Variants in SLC6A19 observed in about 807,000 individuals in gnomAD.
SLC6A19 encodes solute carrier family 6 member 19, also known as sodium-dependent neutral amino acid transporter B(0)AT1.
Under a neutral mutation model 68.3 loss-of-function variants are expected in SLC6A19, and 67 were observed. The ratio of observed to expected loss-of-function variants is 0.98; its 90% CI spans 0.81 to 1.20. The LOEUF is 1.20. SLC6A19 is among the 50% of genes most tolerant of loss of function. SLC6A19 has a pLI of 0.00. For missense variants in SLC6A19, 813 were observed against 851.6 expected (o/e 0.95, Z 0.56); for synonymous variants, 392 against 374.9 (o/e 1.05, Z -0.53).
chr5:1,221,131 G>A lies in SLC6A19; in HGVS notation c.1539-20G>A, dbSNP rs113981520. The A allele has an allele frequency of 1.2e-6, 2 of 1,611,558 alleles. No homozygotes were observed. The highest frequency in any genetic ancestry group is 2.2e-5 in the East Asian group (1 of 44,802). ...AGCCCAGCTGGTAGCAGCAGTGACA[G>A]CTGTCTCTGGCCTTGGCAGGTTCAA... is the stretch of plus-strand genomic sequence containing the variant. On this transcript the variant is annotated intron_variant, in intron 10 of 11. Coordinates refer to ENST00000304460, the MANE Select transcript of SLC6A19 (RefSeq NM_001003841.3).
At chr5:1,218,374 G>A (rs75754222) in intron 8 of SLC6A19, among the ~76,000 whole-genome samples, 6,272 of 152,236 alleles carry the variant, frequency 0.041, 187 homozygotes, top group Non-Finnish European at 0.057. Context: ...ACCACTGATC[G>A]CCAGGACCGT....
chr5:1,204,111 G>A (rs893546486), intron 1 of SLC6A19, among the ~76,000 whole-genome samples: 3 of 152,192 alleles, frequency 2.0e-5, no homozygotes, highest in Non-Finnish European at 2.9e-5. Context: ...TAATTGATGC[G>A]GGTCATCGAG....
intron 11 of SLC6A19, 51 bp downstream of exon 11, chr5:1,221,364 AAGG>A (rs763831552): frequency 6.2e-7 from 1 of 1,602,106 alleles, no homozygotes; most frequent in Non-Finnish European, 8.5e-7. Context: ...GGGAAGGGGA[AAGG>A]AGGACACTCA....
In SLC6A19 at chr5:1,214,274, C is replaced by G. The variant is rs116370157; in HGVS notation, c.887+209C>G. Among the ~76,000 whole-genome samples, 723 of 152,210 alleles carry G rather than the reference C, an allele frequency of 4.8e-3. 7 individuals are homozygous for G. Among genetic ancestry groups the G allele is most frequent in the African/African-American group, 0.017 (694 of 41,532 alleles). ...GGGGCAGGTCTCCCTGTGAGGAGGG[C>G]CAGGAGCCGGGCGCCTGCAGCTTTC... On this transcript the variant is annotated intron_variant, in intron 6 of 11. Coordinates refer to ENST00000304460, the MANE Select transcript of SLC6A19 (RefSeq NM_001003841.3). The surrounding 1 kb of genome is among the most constrained non-coding windows in gnomAD (Gnocchi z 7.4).
At position 1,201,636 on chromosome 5, in the gene SLC6A19, C is replaced by G; in HGVS notation, c.-15C>G. The G allele has an allele frequency of 1.2e-6, 2 of 1,601,090 alleles. No individual in the cohort carries two copies. The highest frequency in any genetic ancestry group is 1.7e-6 in the Non-Finnish European group (2 of 1,178,258). Reference sequence around the variant, plus strand: ...CTGCCCTGCCTGCTGTGTGCGGAGCCGTCCAGCGACCACCATGGTGAGGCT... The same window carrying G: ...CTGCCCTGCCTGCTGTGTGCGGAGCGGTCCAGCGACCACCATGGTGAGGCT... On this transcript the variant is annotated 5_prime_UTR_variant, in exon 1 of 12. Coordinates refer to ENST00000304460, the MANE Select transcript of SLC6A19 (RefSeq NM_001003841.3).
chr5:1,222,037 T>C lies in SLC6A19; in HGVS notation c.*133T>C, dbSNP rs1403393469. 1.7e-5 allele frequency: 16 copies of C among 959,544 alleles called. No individual in the cohort carries two copies. In the East Asian group the frequency reaches 3.4e-4, roughly 21 times the overall value. 59.4% of individuals were successfully genotyped at this position (959,544 alleles called of 1,614,324 possible). A position where few individuals can be genotyped will look rare whatever the true frequency, so the allele number is the denominator to read the frequency against. ...TATGCTCGTGTGTGAGTGTGTGTATTGTACACGCATGTGCCATGTGTGCAG... is the reference window on the plus strand; with the variant it reads ...TATGCTCGTGTGTGAGTGTGTGTATCGTACACGCATGTGCCATGTGTGCAG... On this transcript the variant is annotated 3_prime_UTR_variant, in exon 12 of 12. Coordinates refer to ENST00000304460, the MANE Select transcript of SLC6A19 (RefSeq NM_001003841.3).
chr5:1,216,727 C>G, intron 7 of SLC6A19, 41 bp downstream of exon 7: 1 of 1,613,724 alleles, frequency 6.2e-7, no homozygotes, highest in Non-Finnish European at 8.5e-7. Flanking sequence ...TGGGCTGCGC[C>G]TCCAGGAAGC....
rs776566109 is a variant in SLC6A19, at chr5:1,208,762, G to A, written c.219G>A (p.Pro73=). 45 of 1,613,332 alleles carry A rather than the reference G, an allele frequency of 2.8e-5. No individual in the cohort carries two copies. In the South Asian group the frequency reaches 2.9e-4, roughly 10 times the overall value. ...CCATTGCAGGAGCCTTCATGATCCC[G>A]TTCCTCATCCTGCTGGTCCTGGAGG... The part of the protein sequence containing the change: ...QSHGGGAFMI[P]FLILLVLEGI... Residue 73 remains proline (P), a synonymous_variant, in exon 2 of 12, where the codon CCG becomes CCA. Coordinates refer to ENST00000304460, the MANE Select transcript of SLC6A19 (RefSeq NM_001003841.3).
chr5:1,212,512 G>A lies in SLC6A19; in HGVS notation c.663+28G>A. ...ACTGCATGGGCCCGGCCAGGCTGCA[G>A]GTGCTCCAGAGGGCGGGTGCGGGCA... is the stretch of plus-strand genomic sequence containing the variant. On this transcript the variant is annotated intron_variant, in intron 4 of 11. Coordinates refer to ENST00000304460, the MANE Select transcript of SLC6A19 (RefSeq NM_001003841.3). This position sits in a 1 kb window ranked among gnomAD's most constrained non-coding sequence, Gnocchi z 5.1. 4 of 1,602,680 alleles carry A rather than the reference G, an allele frequency of 2.5e-6. No homozygotes were observed. The highest frequency in any genetic ancestry group is 2.7e-5 in the African/African-American group (2 of 74,938).
intron 1 of SLC6A19, among the ~76,000 whole-genome samples, chr5:1,202,893 G>A (rs781749028): frequency 3.0e-4 from 46 of 152,234 alleles, no homozygotes; most frequent in East Asian, 1.2e-3. Context: ...GGGGGTGGGC[G>A]CTTCATGAGC....
At position 1,208,701 on chromosome 5, in the gene SLC6A19, C is replaced by T. The variant is rs142816474; in HGVS notation, c.203-45C>T. On this transcript the variant is annotated intron_variant, in intron 1 of 11. Coordinates refer to ENST00000304460, the MANE Select transcript of SLC6A19 (RefSeq NM_001003841.3). ...TGCTCCCGAGGGAGGCCTTCCTGCTCCCCCGGGAACGGCTCTCAGGCATGG... is the reference window on the plus strand; with the variant it reads ...TGCTCCCGAGGGAGGCCTTCCTGCTTCCCCGGGAACGGCTCTCAGGCATGG... 3 of 1,612,680 alleles carry T rather than the reference C, an allele frequency of 1.9e-6. No individual in the cohort carries two copies. In the South Asian group the frequency reaches 3.3e-5, roughly 18 times the overall value.
In SLC6A19 at chr5:1,202,001, G is replaced by C; in HGVS notation, c.202+149G>C. On this transcript the variant is annotated intron_variant, in intron 1 of 11. Transcript: ENST00000304460. ...GCCGCAGGGTGTGGGGGGAGCTGGG[G>C]CCCCCACGGGCCCCCGTGCCCGGTT... The C allele has an allele frequency of 1.9e-6, 2 of 1,040,502 alleles. 1 individual carries two copies. The highest frequency in any genetic ancestry group is 5.2e-5 in the East Asian group (2 of 38,188). 64.5% of individuals were successfully genotyped at this position (1,040,502 alleles called of 1,614,324 possible). A position where few individuals can be genotyped will look rare whatever the true frequency, so the allele number is the denominator to read the frequency against.
chr5:1,201,794 C>T lies in SLC6A19; in HGVS notation c.144C>T (p.Phe48=). The T allele has an allele frequency of 6.2e-7, 1 of 1,612,666 alleles. No homozygotes were observed. Among genetic ancestry groups the T allele is most frequent in the Non-Finnish European group, 8.5e-7 (1 of 1,179,900 alleles). The part of the protein sequence containing the change: ...KAQYMLTCLG[F]CVGLGNVWRF... The stretch of plus-strand genomic sequence containing the variant: ...AGTACATGCTCACCTGCCTGGGCTT[C>T]TGCGTGGGCCTCGGCAACGTGTGGC... Residue 48 remains phenylalanine, a synonymous_variant, in exon 1 of 12, where the codon TTC becomes TTT. Coordinates refer to ENST00000304460, the MANE Select transcript of SLC6A19 (RefSeq NM_001003841.3).
At position 1,214,541 on chromosome 5, in the gene SLC6A19, G is replaced by A. The variant is rs1023643088; in HGVS notation, c.887+476G>A. The stretch of plus-strand genomic sequence containing the variant: ...TGCATACCCTGGAGTCCCCAGCAGC[G>A]TCTGGGAGGAGCACAGCTGGTGTCA... On this transcript the variant is annotated intron_variant, in intron 6 of 11. Coordinates refer to ENST00000304460, the MANE Select transcript of SLC6A19 (RefSeq NM_001003841.3). The surrounding 1 kb of genome is among the most constrained non-coding windows in gnomAD (Gnocchi z 7.4). Among the ~76,000 whole-genome samples, 8 of 152,138 alleles carry A rather than the reference G, an allele frequency of 5.3e-5. 1 individual carries two copies. The highest frequency in any genetic ancestry group is 2.1e-4 in the South Asian group (1 of 4,826).
At chr5:1,217,363 G>T (rs1203733217) in intron 8 of SLC6A19, among the ~76,000 whole-genome samples, 1 of 152,250 alleles carries the variant, frequency 6.6e-6, no homozygotes, top group Non-Finnish European at 1.5e-5. Flanking sequence ...GGCGGGCGAG[G>T]CTCAGCCACG....
Position 1,215,080 on chromosome 5 carries a change from A to G in SLC6A19, c.887+1015A>G, listed in dbSNP as rs1234640788. On this transcript the variant is annotated intron_variant, in intron 6 of 11. Coordinates refer to ENST00000304460, the MANE Select transcript of SLC6A19 (RefSeq NM_001003841.3). This position sits in a 1 kb window ranked among gnomAD's most constrained non-coding sequence, Gnocchi z 5.1. The stretch of plus-strand genomic sequence containing the variant: ...TGTGCGAGCACTGGGTGGAGCAGTG[A>G]AGCCCCACCCAGGCCTCAGGAGCTC... 6.6e-6 allele frequency among the ~76,000 whole-genome samples: 1 copy of G among 151,890 alleles called. No individual in the cohort carries two copies. Among genetic ancestry groups the G allele is most frequent in the Non-Finnish European group, 1.5e-5 (1 of 67,940 alleles).
chr5:1,207,839 T>C (rs1416125223), intron 1 of SLC6A19, among the ~76,000 whole-genome samples: 5 of 152,200 alleles, frequency 3.3e-5, no homozygotes, highest in African/African-American at 7.2e-5. Flanking sequence ...TTCACAAAGA[T>C]TAAATAGCAT....
intron 1 of SLC6A19, among the ~76,000 whole-genome samples, chr5:1,204,590 C>T (rs11133678): frequency 0.48 from 73,088 of 152,026 alleles, 18,341 homozygotes; most frequent in Non-Finnish European, 0.58. Flanking sequence ...CACCTGTGTC[C>T]GTCCAGAAAC....
intron 1 of SLC6A19, among the ~76,000 whole-genome samples, chr5:1,207,755 T>C (rs981107724): frequency 6.6e-6 from 1 of 152,388 alleles, no homozygotes; most frequent in Non-Finnish European, 1.5e-5. Context: ...GTGAGTCACC[T>C]GTCTCCTGGC....
Sources: allele counts gnomAD v4.1 joint callset (sites outside exome capture counted in the v4.1 genomes callset), GRCh38; gene constraint gnomAD v4.1.1; non-coding constraint Gnocchi (gnomAD v3.1); transcripts MANE v1.5; gene names NCBI Gene and HGNC (gene_info 2026-07-23, HGNC 2026-07-21).